The following PRKCE variants were observed in gnomAD, a reference collection of about 807,000 sequenced individuals.
PRKCE encodes the protein protein kinase C epsilon.
In PRKCE, 16 loss-of-function variants were observed where a neutral mutation model predicts 85.4. That is an observed-to-expected ratio of 0.19 (90% confidence interval 0.13 to 0.28). PRKCE has a LOEUF of 0.28. Among genes scored for constraint, PRKCE ranks in the 10% least tolerant of loss-of-function variants. PRKCE has a pLI of 1.00. For missense variants in PRKCE, 573 were observed against 975.2 expected, an observed-to-expected ratio of 0.59 and a Z score of 5.49; for synonymous variants, 388 against 371.5, an observed-to-expected ratio of 1.04 and a Z score of -0.51.
chr2:45,787,743 G>A (rs144890400), intron 1 of PRKCE, among the ~76,000 whole-genome samples: 30 of 152,196 alleles, frequency 2.0e-4, no homozygotes, highest in African/African-American at 6.8e-4. Context: ...CTCAGGGTTC[G>A]CGATACAGGT....
chr2:45,805,151 T>C (rs564532394), intron 1 of PRKCE, among the ~76,000 whole-genome samples: 1 of 152,336 alleles, frequency 6.6e-6, no homozygotes, highest in Non-Finnish European at 1.5e-5. Context: ...CTAATTTATC[T>C]AATCTTTACA....
rs1451472245 is a variant in PRKCE at position 46,001,001 on chromosome 2, A to G, written c.824-403A>G. ...CCTTAGGTGCCAGACTTCAATGAGC[A>G]GGTTGTTTTCACCTGTGATGTCTTA... is the stretch of plus-strand genomic sequence containing the variant. On this transcript the variant is annotated intron_variant, in intron 6 of 14. Coordinates refer to ENST00000306156, the MANE Select transcript of PRKCE (RefSeq NM_005400.3). The surrounding 1 kb of genome is among the most constrained non-coding windows in gnomAD (Gnocchi z 4.4). The G allele has an allele frequency of 6.6e-6, 1 of 152,212 alleles. No individual in the cohort carries two copies. The highest frequency in any genetic ancestry group is 2.4e-5 in the African/African-American group (1 of 41,436). 9.4% of individuals were successfully genotyped at this position (152,212 alleles called of 1,614,324 possible).
intron 2 of PRKCE, among the ~76,000 whole-genome samples, chr2:45,949,840 G>A (rs573676985): frequency 6.7e-4 from 100 of 148,586 alleles, no homozygotes; most frequent in African/African-American, 2.4e-3. Context: ...TAATTGCTTT[G>A]ACTGTGAAAT....
At chr2:45,743,432 C>G (rs1682749423) in intron 1 of PRKCE, among the ~76,000 whole-genome samples, 1 of 152,048 alleles carries the variant, frequency 6.6e-6, no homozygotes, top group Admixed American at 6.6e-5. Flanking sequence ...CAGGAGCCAC[C>G]TGATGGAAGT....
chr2:45,720,388 G>T (rs2104453660), intron 1 of PRKCE, among the ~76,000 whole-genome samples: 1 of 152,232 alleles, frequency 6.6e-6, no homozygotes, highest in South Asian at 2.1e-4. Flanking sequence ...GGGCTCCCCA[G>T]TACCTCCCAG....
rs926877989 is a variant in PRKCE, at chr2:46,104,825, C to T, written c.1592+18463C>T. Among the ~76,000 whole-genome samples the T allele has an allele frequency of 4.6e-5, 7 of 152,254 alleles. No individual in the cohort carries two copies. The East Asian group carries it at 5.8e-4, about 13-fold the overall frequency. On this transcript the variant is annotated intron_variant, in intron 11 of 14. Coordinates refer to ENST00000306156, the MANE Select transcript of PRKCE (RefSeq NM_005400.3). ...TCTTGTCCAGGTCCTTTTGTACAAC[C>T]GAAAGACTGGCGGCTGGGGTTTATC... is the stretch of plus-strand genomic sequence containing the variant.
rs969296741 is a variant in PRKCE at position 45,667,268 on chromosome 2, A to G, written c.348+14820A>G. ...GGAGGTTGCGGTGAGCCGAGATCAC[A>G]CCACTGCACTCCAGCCTGGGTAACA... On this transcript the variant is annotated intron_variant, in intron 1 of 14. Transcript: ENST00000306156. Among the ~76,000 whole-genome samples the G allele has an allele frequency of 5.9e-5, 9 of 152,002 alleles. No individual in the cohort carries two copies. The East Asian group carries it at 1.8e-3, about 30-fold the overall frequency.
At chr2:46,086,384 T>G (rs1378005706) in intron 11 of PRKCE, 22 bp downstream of exon 11, 1 of 1,588,998 alleles carries the variant, frequency 6.3e-7, no homozygotes, top group Admixed American at 1.7e-5. Context: ...TCTCCTCCTC[T>G]TTCCTGAAAG....
intron 2 of PRKCE, among the ~76,000 whole-genome samples, chr2:45,899,761 A>G (rs868852011): frequency 6.6e-6 from 1 of 152,174 alleles, no homozygotes; most frequent in African/African-American, 2.4e-5. Flanking sequence ...GCCTGTAGGT[A>G]GTGCTGTGCA....
chr2:46,010,678 T>C (rs1705593011), intron 10 of PRKCE, 161 bp downstream of exon 10: 1 of 1,598,540 alleles, frequency 6.3e-7, no homozygotes, highest in African/African-American at 1.3e-5. Context: ...GCATCTTCTT[T>C]TTTAGGGCAC....
intron 1 of PRKCE, among the ~76,000 whole-genome samples, chr2:45,731,974 C>T (rs1285829978): frequency 1.3e-5 from 2 of 152,136 alleles, no homozygotes; most frequent in Admixed American, 6.5e-5. Context: ...TGACCTCCTA[C>T]TCCACAGAAC....
chr2:45,784,266 G>A (rs1226259009), intron 1 of PRKCE, among the ~76,000 whole-genome samples: 1 of 152,280 alleles, frequency 6.6e-6, no homozygotes, highest in Admixed American at 6.5e-5. Context: ...GAGGCAGTGA[G>A]AAAGGTGGTC....
intron 1 of PRKCE, among the ~76,000 whole-genome samples, chr2:45,756,727 A>G (rs191574502): frequency 7.6e-4 from 116 of 152,372 alleles, no homozygotes; most frequent in African/African-American, 2.5e-3. Flanking sequence ...TGGAATGCAC[A>G]TTATATGATT....
At chr2:45,761,641 G>A (rs1232894866) in intron 1 of PRKCE, among the ~76,000 whole-genome samples, 2 of 152,070 alleles carry the variant, frequency 1.3e-5, no homozygotes, top group Non-Finnish European at 2.9e-5. Flanking sequence ...TCTAATCTCT[G>A]GCCTGGGTCT....
intron 1 of PRKCE, among the ~76,000 whole-genome samples, chr2:45,719,812 C>G (rs1234615769): frequency 6.6e-6 from 1 of 152,146 alleles, no homozygotes; most frequent in African/African-American, 2.4e-5. Flanking sequence ...GTAATCCTAG[C>G]ACTTTGGGAG....
intron 2 of PRKCE, among the ~76,000 whole-genome samples, chr2:45,918,441 A>G (rs925827762): frequency 6.6e-6 from 1 of 152,226 alleles, no homozygotes; most frequent in African/African-American, 2.4e-5. Flanking sequence ...TTTTATCAAC[A>G]ATACATATTT....
chr2:45,878,553 C>T (rs1345239255), intron 2 of PRKCE, among the ~76,000 whole-genome samples: 1 of 152,118 alleles, frequency 6.6e-6, no homozygotes, highest in Non-Finnish European at 1.5e-5. Flanking sequence ...TGGGTTCTCA[C>T]TGTTATTCAA....
At chr2:45,773,069 T>C (rs1005725906) in intron 1 of PRKCE, among the ~76,000 whole-genome samples, 1 of 152,162 alleles carries the variant, frequency 6.6e-6, no homozygotes, top group African/African-American at 2.4e-5. Context: ...TCCTTCCCCT[T>C]CAGGATTCCT....
At chr2:45,934,433 G>A (rs1270607763) in intron 2 of PRKCE, among the ~76,000 whole-genome samples, 1 of 152,144 alleles carries the variant, frequency 6.6e-6, no homozygotes, top group Non-Finnish European at 1.5e-5. Context: ...CAGGTCACTT[G>A]AGGTCAGGAG....
Sources: allele counts gnomAD v4.1 joint callset (sites outside exome capture counted in the v4.1 genomes callset), GRCh38; gene constraint gnomAD v4.1.1; non-coding constraint Gnocchi (gnomAD v3.1); transcripts MANE v1.5; gene names NCBI Gene and HGNC (gene_info 2026-07-23, HGNC 2026-07-21).